The following CNTN5 variants were observed in gnomAD, a reference collection of about 807,000 sequenced individuals.
The protein encoded by CNTN5 is contactin 5, also known as contactin-5.
In CNTN5, 77 loss-of-function variants were observed where a neutral mutation model predicts 129.1. That is an observed-to-expected ratio of 0.60 (90% CI 0.50 to 0.72). The LOEUF (loss-of-function observed/expected upper bound fraction) is 0.72, where lower values mean the gene tolerates loss of function less well. CNTN5 is among the 30% of genes least tolerant of loss of function. The pLI is 0.00. For synonymous variants in CNTN5, 509 were observed against 465.6 expected, an observed-to-expected ratio of 1.09 and a Z score of -1.20; for missense variants, 1,478 against 1,328.8, an observed-to-expected ratio of 1.11 and a Z score of -1.75.
Position 99,926,319 on chromosome 11 carries a change from G to A in CNTN5, c.673+10170G>A, listed in dbSNP as rs192200450. Among the ~76,000 whole-genome samples the A allele has an allele frequency of 2.0e-5, 3 of 152,126 alleles. No homozygotes were observed. In the East Asian group the frequency reaches 5.8e-4, roughly 29 times the overall value. On this transcript the variant is annotated intron_variant, in intron 7 of 24. Coordinates refer to ENST00000524871, the MANE Select transcript of CNTN5 (RefSeq NM_014361.4). ...GAATCTCAGAGTTTAAGAAGGGGAA[G>A]GGATCAAGAAAAGGAAAAATGAATC...
intron 2 of CNTN5, among the ~76,000 whole-genome samples, chr11:99,329,998 C>T (rs1267246178): frequency 1.3e-5 from 2 of 148,974 alleles, no homozygotes; most frequent in East Asian, 3.9e-4. Context: ...AAGTGTTTAG[C>T]AGATGGTTAT....
chr11:99,652,268 C>A (rs1952185154), intron 3 of CNTN5, among the ~76,000 whole-genome samples: 1 of 151,984 alleles, frequency 6.6e-6, no homozygotes, highest in African/African-American at 2.4e-5. Flanking sequence ...CATATAGCCC[C>A]CTCTCACAAC....
chr11:99,698,382 C>T (rs1954365809), intron 3 of CNTN5, among the ~76,000 whole-genome samples: 1 of 151,138 alleles, frequency 6.6e-6, no homozygotes, highest in Non-Finnish European at 1.5e-5. Context: ...AAAAATATTC[C>T]CAGAGATTTA....
At chr11:99,644,611 A>G (rs1211087211) in intron 3 of CNTN5, among the ~76,000 whole-genome samples, 1 of 152,210 alleles carries the variant, frequency 6.6e-6, no homozygotes, top group Non-Finnish European at 1.5e-5. Flanking sequence ...TAAGCGCAAG[A>G]AATCAGTCAA....
intron 3 of CNTN5, among the ~76,000 whole-genome samples, chr11:99,812,885 T>G (rs1946472056): frequency 6.6e-6 from 1 of 152,152 alleles, no homozygotes; most frequent in Admixed American, 6.6e-5. Flanking sequence ...TCAAAGGCAC[T>G]CTGCTTTTTT....
rs559460468 is a variant in CNTN5, at chr11:99,936,850, T to C, written c.674-19956T>C. Among the ~76,000 whole-genome samples the C allele has an allele frequency of 4.6e-5, 7 of 152,278 alleles. No homozygotes were observed. The East Asian group carries it at 1.4e-3, about 29-fold the overall frequency. ...CAACAGGCAAGGCAGGGATATGTTA[T>C]AAGAGTTAAATGTAAGGTTCCTCTT... On this transcript the variant is annotated intron_variant, in intron 7 of 24. Transcript: ENST00000524871.
At chr11:99,031,567 T>C (rs576841540) in intron 1 of CNTN5, among the ~76,000 whole-genome samples, 2 of 151,862 alleles carry the variant, frequency 1.3e-5, no homozygotes, top group Non-Finnish European at 2.9e-5. Flanking sequence ...AGGGAGCTGA[T>C]AGAAAGCAAT....
At chr11:99,375,611 T>G (rs770041376) in intron 2 of CNTN5, among the ~76,000 whole-genome samples, 7 of 152,156 alleles carry the variant, frequency 4.6e-5, no homozygotes, top group Non-Finnish European at 8.8e-5. Context: ...TTTACAAAAT[T>G]ACAAATTTAC....
At chr11:99,955,443 T>C (rs1336263997) in intron 7 of CNTN5, among the ~76,000 whole-genome samples, 2 of 152,130 alleles carry the variant, frequency 1.3e-5, no homozygotes, top group African/African-American at 4.8e-5. Context: ...AAAAACACTT[T>C]TCTTTATAAA....
chr11:100,207,559 TCTAA>T (rs1270177623), intron 15 of CNTN5, among the ~76,000 whole-genome samples: 13 of 152,110 alleles, frequency 8.5e-5, no homozygotes, highest in Non-Finnish European at 1.8e-4. Flanking sequence ...TTTTATCCTT[TCTAA>T]CTACTGATAG....
At chr11:99,632,513 C>T (rs546736495) in intron 3 of CNTN5, among the ~76,000 whole-genome samples, 127 of 152,184 alleles carry the variant, frequency 8.3e-4, no homozygotes, top group African/African-American at 3.0e-3. Context: ...CTAGGGAGTC[C>T]TCTACTCTTG....
intron 2 of CNTN5, among the ~76,000 whole-genome samples, chr11:99,337,946 T>C (rs921399789): frequency 1.2e-4 from 18 of 152,296 alleles, no homozygotes; most frequent in Admixed American, 3.3e-4. Context: ...CACATTAAAA[T>C]TGGAAAAATT....
intron 13 of CNTN5, among the ~76,000 whole-genome samples, chr11:100,090,682 G>A (rs61908107): frequency 0.14 from 21,676 of 151,164 alleles, 1,799 homozygotes; most frequent in East Asian, 0.31. Flanking sequence ...CTCACTCTCT[G>A]GTTCACAGAC....
intron 2 of CNTN5, among the ~76,000 whole-genome samples, chr11:99,519,151 A>G (rs999380740): frequency 5.3e-5 from 8 of 151,778 alleles, no homozygotes. Context: ...CTTTGTACTT[A>G]GACTGCTCCA....
intron 6 of CNTN5, among the ~76,000 whole-genome samples, chr11:99,898,637 C>T (rs1325938641): frequency 2.0e-5 from 3 of 151,914 alleles, no homozygotes; most frequent in African/African-American, 4.8e-5. Flanking sequence ...TAATTGTTTT[C>T]ATTCATTTTG....
chr11:99,395,974 T>A (rs10444343), intron 2 of CNTN5, among the ~76,000 whole-genome samples: 2 of 151,712 alleles, frequency 1.3e-5, no homozygotes, highest in Non-Finnish European at 2.9e-5. Flanking sequence ...AGTCAGGTAG[T>A]GTGGTGCCTC....
At chr11:99,931,250 C>T (rs926381794) in intron 7 of CNTN5, among the ~76,000 whole-genome samples, 5 of 151,866 alleles carry the variant, frequency 3.3e-5, no homozygotes, top group African/African-American at 1.2e-4. Context: ...ATATATTTTC[C>T]AGATATCACT....
At chr11:99,971,767 C>G (rs1381126817) in intron 8 of CNTN5, among the ~76,000 whole-genome samples, 1 of 151,708 alleles carries the variant, frequency 6.6e-6, no homozygotes, top group Non-Finnish European at 1.5e-5. Flanking sequence ...AAGTTTATAA[C>G]TCACTAAAGA....
intron 15 of CNTN5, 29 bp downstream of exon 15, chr11:100,193,692 T>C (rs1948559800): frequency 6.3e-7 from 1 of 1,582,480 alleles, no homozygotes; most frequent in African/African-American, 1.4e-5. Context: ...ATTCTTTTAG[T>C]AATGATAACT....
Sources: gnomAD v4.1 joint callset for allele counts (sites outside exome capture counted in the v4.1 genomes callset) on GRCh38, gnomAD v4.1.1 for gene constraint, MANE v1.5 for transcripts, NCBI Gene and HGNC (gene_info 2026-07-23, HGNC 2026-07-21) for gene names.